The following R3HCC1L variants were observed in gnomAD, a reference collection of about 807,000 sequenced individuals.
R3HCC1L encodes the protein R3H domain and coiled-coil containing 1 like.
R3HCC1L carries 51 observed loss-of-function variants against 59.9 expected under a neutral mutation model. The observed-to-expected ratio is 0.85, with a 90% CI of 0.68 to 1.07. The LOEUF (loss-of-function observed/expected upper bound fraction) is 1.07, where lower values mean the gene tolerates loss of function less well. Ranked by LOEUF, R3HCC1L falls within the 50% of genes least tolerant of loss-of-function variation. The pLI, the probability that R3HCC1L is intolerant of heterozygous loss-of-function variation, is 0.00. For missense variants in R3HCC1L, 965 were observed against 933.0 expected (o/e 1.03, Z -0.45); for synonymous variants, 322 against 315.2 (o/e 1.02, Z -0.23).
In R3HCC1L at chr10:98,235,529, A is replaced by G. The variant is rs561386806; in HGVS notation, c.2128+9A>G. The G allele has an allele frequency of 2.3e-5, 36 of 1,593,532 alleles. No homozygotes were observed. Among genetic ancestry groups the G allele is most frequent in the East Asian group, 1.1e-4 (5 of 44,642 alleles). ...AGCTAGAGCTTATGCTGGTGAGTCT[A>G]TAATCTCTGGGTTTTTTTCTTGCTG... On this transcript the variant is annotated intron_variant, in intron 8 of 9. Coordinates refer to ENST00000298999, the MANE Select transcript of R3HCC1L (RefSeq NM_001351015.2).
intron 5 of R3HCC1L, among the ~76,000 whole-genome samples, chr10:98,221,997 C>G (rs894540056): frequency 2.0e-5 from 3 of 152,170 alleles, no homozygotes; most frequent in African/African-American, 7.2e-5. Flanking sequence ...GATATTGATT[C>G]TTCCTACCCA....
chr10:98,222,905 A>G (rs1277286337), intron 5 of R3HCC1L, among the ~76,000 whole-genome samples: 1 of 152,236 alleles, frequency 6.6e-6, no homozygotes, highest in Non-Finnish European at 1.5e-5. Context: ...AGAATACTAT[A>G]AACACCTCTA....
rs1399490166 is a variant in R3HCC1L at position 98,193,379 on chromosome 10, T to A, written c.-14-14722T>A. ...TTTACGTGTACAAAACCAAAAAAAA[T>A]AAAAAATAAAAAAAACTGTAAGAAC... On this transcript the variant is annotated intron_variant, in intron 4 of 9. Transcript: ENST00000298999. Among the ~76,000 whole-genome samples, 6 of 151,320 alleles carry A rather than the reference T, an allele frequency of 4.0e-5. No individual in the cohort carries two copies. In the East Asian group the frequency reaches 7.8e-4, roughly 20 times the overall value.
At chr10:98,151,262 G>A (rs1564617641) in intron 1 of R3HCC1L, among the ~76,000 whole-genome samples, 2 of 152,186 alleles carry the variant, frequency 1.3e-5, no homozygotes, top group Admixed American at 6.5e-5. Flanking sequence ...TCTAGTGTGC[G>A]CTGGTTAAGA....
chr10:98,169,631 A>T (rs1291115703), intron 4 of R3HCC1L, among the ~76,000 whole-genome samples: 1 of 152,222 alleles, frequency 6.6e-6, no homozygotes, highest in Non-Finnish European at 1.5e-5. Flanking sequence ...ATTTTGAAAA[A>T]TATGTCATTG....
Position 98,224,215 on chromosome 10 carries a change from T to C in R3HCC1L, c.1786-7297T>C, listed in dbSNP as rs75180380. On this transcript the variant is annotated intron_variant, in intron 5 of 9. Coordinates refer to ENST00000298999, the MANE Select transcript of R3HCC1L (RefSeq NM_001351015.2). ...CTGCTTTCAGGTTCCCCTCATGGTG[T>C]GTGTGGGTGCCAGTGGCAGCAGCTA... Among the ~76,000 whole-genome samples the C allele has an allele frequency of 1.6e-3, 244 of 151,936 alleles. 1 individual carries two copies. Among genetic ancestry groups the C allele is most frequent in the Non-Finnish European group, 2.9e-3 (200 of 67,952 alleles).
intron 4 of R3HCC1L, among the ~76,000 whole-genome samples, chr10:98,175,883 C>A (rs1170086371): frequency 6.6e-6 from 1 of 151,938 alleles, no homozygotes; most frequent in Non-Finnish European, 1.5e-5. Flanking sequence ...AGATTTTGTT[C>A]TATATTTATT....
chr10:98,212,462 T>A (rs1328637891), intron 5 of R3HCC1L, among the ~76,000 whole-genome samples: 1 of 152,282 alleles, frequency 6.6e-6, no homozygotes, highest in South Asian at 2.1e-4. Flanking sequence ...TCCTGTGACA[T>A]TTGAACCTCC....
At chr10:98,204,837 A>C (rs1452757638) in intron 4 of R3HCC1L, among the ~76,000 whole-genome samples, 4 of 152,286 alleles carry the variant, frequency 2.6e-5, no homozygotes, top group African/African-American at 7.2e-5. Context: ...ATGTGTAGTA[A>C]AAGACAATAT....
At chr10:98,232,309 C>T (rs1345633994) in intron 6 of R3HCC1L, among the ~76,000 whole-genome samples, 1 of 152,068 alleles carries the variant, frequency 6.6e-6, no homozygotes, top group Non-Finnish European at 1.5e-5. Flanking sequence ...TTTTTATAGA[C>T]AAAATAACTC....
At chr10:98,175,664 G>A (rs1039759558) in intron 4 of R3HCC1L, among the ~76,000 whole-genome samples, 2 of 152,184 alleles carry the variant, frequency 1.3e-5, no homozygotes, top group African/African-American at 2.4e-5. Flanking sequence ...TTGACACTGA[G>A]TTTTGAGATT....
At chr10:98,174,653 A>G (rs1367837244) in intron 4 of R3HCC1L, 2 of 985,228 alleles carry the variant, frequency 2.0e-6, no homozygotes, top group South Asian at 9.4e-5. Flanking sequence ...AGAAGTTGGA[A>G]GGAGCAGACA....
At chr10:98,163,448 C>T (rs777581481) in intron 4 of R3HCC1L, 51 bp downstream of exon 4, 3 of 1,105,462 alleles carry the variant, frequency 2.7e-6, no homozygotes, top group Non-Finnish European at 3.7e-6. Context: ...TCTGTTTACT[C>T]TAAAGATTTG....
intron 4 of R3HCC1L, among the ~76,000 whole-genome samples, chr10:98,180,728 G>C (rs991424423): frequency 6.6e-6 from 1 of 152,014 alleles, no homozygotes; most frequent in Non-Finnish European, 1.5e-5. Context: ...TATGAATCTG[G>C]GTGCTCCTGT....
At chr10:98,205,105 A>G (rs1852488966) in intron 4 of R3HCC1L, among the ~76,000 whole-genome samples, 5 of 152,244 alleles carry the variant, frequency 3.3e-5, no homozygotes, top group Admixed American at 6.5e-5. Flanking sequence ...TAAAAACTAA[A>G]GAACATAGGC....
In R3HCC1L at chr10:98,229,041, G is replaced by A. The variant is rs1590809942; in HGVS notation, c.1786-2471G>A. Among the ~76,000 whole-genome samples, 26 of 152,014 alleles carry A rather than the reference G, an allele frequency of 1.7e-4. 2 individuals carry two copies. In the South Asian group the frequency reaches 5.4e-3, roughly 32 times the overall value. Reference sequence around the variant, plus strand: ...GTGATGCCTCCAGCTTTGTTCTTTTGGCTTAGGATTGACTTGGCAATGCAG... The same window carrying A: ...GTGATGCCTCCAGCTTTGTTCTTTTAGCTTAGGATTGACTTGGCAATGCAG... On this transcript the variant is annotated intron_variant, in intron 5 of 9. Coordinates refer to ENST00000298999, the MANE Select transcript of R3HCC1L (RefSeq NM_001351015.2).
rs560931092 is a variant in R3HCC1L, at chr10:98,182,653, A to G, written c.-15+19256A>G. ...TGCCCTGCCCCCAGAGGTGGAGTCT[A>G]CAGAGGCCTGCAGGCCTCATTGAGC... On this transcript the variant is annotated intron_variant, in intron 4 of 9. Coordinates refer to ENST00000298999, the MANE Select transcript of R3HCC1L (RefSeq NM_001351015.2). Among the ~76,000 whole-genome samples the G allele has an allele frequency of 1.6e-4, 25 of 152,296 alleles. No individual in the cohort carries two copies. In the East Asian group the frequency reaches 3.1e-3, roughly 19 times the overall value.
At chr10:98,189,157 C>G (rs1283005654) in intron 4 of R3HCC1L, among the ~76,000 whole-genome samples, 1 of 152,032 alleles carries the variant, frequency 6.6e-6, no homozygotes, top group Non-Finnish European at 1.5e-5. Flanking sequence ...TTGCATTGCC[C>G]TTTAGGTTGA....
At chr10:98,200,476 C>G (rs9420728) in intron 4 of R3HCC1L, among the ~76,000 whole-genome samples, 48,797 of 151,866 alleles carry the variant, frequency 0.32, 8,004 homozygotes, top group East Asian at 0.48. Flanking sequence ...TTTACCATGC[C>G]TGGCAAATTT....
Sources: allele counts gnomAD v4.1 joint callset (sites outside exome capture counted in the v4.1 genomes callset), GRCh38; gene constraint gnomAD v4.1.1; transcripts MANE v1.5; gene names NCBI Gene and HGNC (gene_info 2026-07-23, HGNC 2026-07-21).